SCN11A: variants seen among roughly 807,000 people sequenced by gnomAD.
SCN11A encodes the protein sodium voltage-gated channel alpha subunit 11.
A neutral mutation model predicts 162.2 loss-of-function variants in SCN11A; 122 were observed. That is an observed-to-expected ratio of 0.75 (90% CI 0.65 to 0.87). The LOEUF is 0.87. SCN11A is among the 40% of genes least tolerant of loss of function. The pLI is 0.00. For missense variants in SCN11A, 2,015 were observed against 2,181.6 expected, an observed-to-expected ratio of 0.92 and a Z score of 1.52; for synonymous variants, 758 against 751.5, an observed-to-expected ratio of 1.01 and a Z score of -0.14.
intron 9 of SCN11A, among the ~76,000 whole-genome samples, chr3:38,922,558 C>A (rs2066070843): frequency 1.3e-5 from 2 of 152,140 alleles, no homozygotes; most frequent in Non-Finnish European, 2.9e-5. Flanking sequence ...GACATGAAAG[C>A]TGCTAAATGA....
chr3:38,944,562 G>A (rs1258356849), intron 7 of SCN11A, among the ~76,000 whole-genome samples: 5 of 151,806 alleles, frequency 3.3e-5, no homozygotes, highest in Admixed American at 2.6e-4. Flanking sequence ...TCCTGACCTC[G>A]TGATCCACCC....
At chr3:39,022,433 A>AC (rs547799506) in intron 2 of SCN11A, among the ~76,000 whole-genome samples, 4 of 152,140 alleles carry the variant, frequency 2.6e-5, no homozygotes, top group Non-Finnish European at 5.9e-5. Context: ...GCAGGCTGCA[A>AC]CCCTTTATGA....
chr3:38,941,947 G>C (rs188935670), intron 7 of SCN11A, among the ~76,000 whole-genome samples: 1 of 152,240 alleles, frequency 6.6e-6, no homozygotes, highest in Non-Finnish European at 1.5e-5. Flanking sequence ...CCAACTATAT[G>C]TTGTTTACAA....
intron 2 of SCN11A, among the ~76,000 whole-genome samples, chr3:38,993,740 A>G (rs1019560478): frequency 6.6e-6 from 1 of 152,178 alleles, no homozygotes; most frequent in African/African-American, 2.4e-5. Context: ...TGCCCTGTCC[A>G]ATATCCCACC....
rs539472087 is a variant in SCN11A, at chr3:39,036,015, C to T, written c.-403-3512G>A. On this transcript the variant is annotated intron_variant, in intron 1 of 29. Transcript: ENST00000302328. ...CTTAGGCAACCAGGTGGTCTGGTCC[C>T]CTGCTCCTGGGAGGTCACCACATTG... 2.1e-4 allele frequency among the ~76,000 whole-genome samples: 32 copies of T among 152,324 alleles called. No homozygotes were observed. The South Asian group carries it at 5.8e-3, about 28-fold the overall frequency.
At chr3:38,997,071 C>T (rs565290164) in intron 2 of SCN11A, among the ~76,000 whole-genome samples, 24 of 152,274 alleles carry the variant, frequency 1.6e-4, no homozygotes, top group African/African-American at 4.8e-4. Context: ...CTATTCTCAA[C>T]GTAGCAGTCC....
intron 2 of SCN11A, among the ~76,000 whole-genome samples, chr3:38,994,528 T>A (rs1409067013): frequency 1.3e-5 from 2 of 152,148 alleles, no homozygotes; most frequent in Non-Finnish European, 2.9e-5. Flanking sequence ...ACTGTTGGTA[T>A]ATTATGATTC....
At chr3:39,001,354 G>A (rs1377231029) in intron 2 of SCN11A, among the ~76,000 whole-genome samples, 7 of 152,266 alleles carry the variant, frequency 4.6e-5, no homozygotes, top group Admixed American at 4.6e-4. Flanking sequence ...CCTACTCTGG[G>A]CAAATAAATA....
At chr3:38,948,920 A>G (rs1033965703) in intron 5 of SCN11A, among the ~76,000 whole-genome samples, 1 of 152,188 alleles carries the variant, frequency 6.6e-6, no homozygotes, top group African/African-American at 2.4e-5. Context: ...GGCATCAGAA[A>G]AAGGAGAAAC....
At chr3:38,936,220 C>T (rs1211859019) in intron 7 of SCN11A, among the ~76,000 whole-genome samples, 2 of 151,978 alleles carry the variant, frequency 1.3e-5, no homozygotes, top group Non-Finnish European at 2.9e-5. Flanking sequence ...GGACGTATCT[C>T]AAAATAATAA....
intron 13 of SCN11A, 33 bp downstream of exon 13, chr3:38,908,964 A>G (rs777852132): frequency 2.5e-6 from 4 of 1,604,054 alleles, no homozygotes; most frequent in Non-Finnish European, 3.4e-6. Flanking sequence ...CCCTCCCCAG[A>G]GCAGATCCCA....
At chr3:39,043,558 G>A (rs1034619712) in intron 1 of SCN11A, among the ~76,000 whole-genome samples, 11 of 149,332 alleles carry the variant, frequency 7.4e-5, no homozygotes, top group South Asian at 4.2e-4. Flanking sequence ...TATATTAAGC[G>A]AAATAAGCCA....
intron 21 of SCN11A, among the ~76,000 whole-genome samples, chr3:38,884,865 G>A (rs932519729): frequency 1.3e-5 from 2 of 152,214 alleles, no homozygotes; most frequent in African/African-American, 4.8e-5. Flanking sequence ...AAGTCACACA[G>A]CTCATAAGTG....
At position 38,920,325 on chromosome 3, in the gene SCN11A, T is replaced by A. The variant is rs138429477; in HGVS notation, c.893-324A>T. 1.6e-3 allele frequency among the ~76,000 whole-genome samples: 243 copies of A among 152,126 alleles called. 2 individuals are homozygous for A. The highest frequency in any genetic ancestry group is 5.6e-3 in the African/African-American group (231 of 41,494). ...CATCCCATGAGAGACATCAAGAGAG[T>A]GTAGTCACATGAGATTCATGACACA... is the stretch of plus-strand genomic sequence containing the variant. On this transcript the variant is annotated intron_variant, in intron 10 of 29. Coordinates refer to ENST00000302328, the MANE Select transcript of SCN11A (RefSeq NM_001349253.2).
chr3:38,847,903 C>T (rs1273559378), intron 29 of SCN11A, among the ~76,000 whole-genome samples, 161 bp from the exon 30 acceptor site: 5 of 152,128 alleles, frequency 3.3e-5, no homozygotes, highest in Admixed American at 3.3e-4. Context: ...AGGGAAAATA[C>T]CTATCTGTGT....
chr3:38,904,153 G>A (rs1016185176), intron 15 of SCN11A, 50 bp from the exon 16 acceptor site: 3 of 1,251,370 alleles, frequency 2.4e-6, no homozygotes, highest in Non-Finnish European at 3.3e-6. Context: ...AAGCAATCCA[G>A]ATGCCCTTTG....
At chr3:39,028,103 CA>C (rs1218174031) in intron 2 of SCN11A, among the ~76,000 whole-genome samples, 2 of 152,186 alleles carry the variant, frequency 1.3e-5, no homozygotes, top group Non-Finnish European at 1.5e-5. Context: ...TGTGGGAGTA[CA>C]GTCTGTCAAC....
chr3:39,015,937 A>G (rs977377502), intron 2 of SCN11A, among the ~76,000 whole-genome samples: 1 of 152,098 alleles, frequency 6.6e-6, no homozygotes, highest in Non-Finnish European at 1.5e-5. Context: ...TGGTTTCACC[A>G]TTTTGGCCAG....
At chr3:39,021,884 T>C (rs922520284) in intron 2 of SCN11A, among the ~76,000 whole-genome samples, 1 of 152,144 alleles carries the variant, frequency 6.6e-6, no homozygotes, top group Admixed American at 6.6e-5. Flanking sequence ...CAGCATAATC[T>C]TGAAAACTGA....
Sources: allele counts gnomAD v4.1 joint callset (sites outside exome capture counted in the v4.1 genomes callset), GRCh38; gene constraint gnomAD v4.1.1; transcripts MANE v1.5; gene names NCBI Gene and HGNC (gene_info 2026-07-23, HGNC 2026-07-21).